Variants in ZFHX3 observed in about 807,000 individuals in gnomAD.
ZFHX3 encodes zinc finger homeobox 3, also known as zinc finger homeobox protein 3.
A neutral mutation model predicts 279.1 loss-of-function variants in ZFHX3; 42 were observed. The observed-to-expected ratio is 0.15, with a 90% confidence interval of 0.12 to 0.19. The LOEUF is 0.19. Among genes scored for constraint, ZFHX3 ranks in the 10% least tolerant of loss-of-function variants. The probability of loss-of-function intolerance (pLI) is 1.00; values close to 1 mark genes in which losing one functional copy is unlikely to be tolerated. For synonymous variants in ZFHX3, 2,293 were observed against 1,957.8 expected (o/e 1.17, Z -4.52); for missense variants, 4,981 against 4,754.0 (o/e 1.05, Z -1.40).
intron 1 of ZFHX3, among the ~76,000 whole-genome samples, chr16:73,843,679 A>C (rs9938184): frequency 0.061 from 9,337 of 152,298 alleles, 959 homozygotes; most frequent in African/African-American, 0.21. Flanking sequence ...TCACAGCAAG[A>C]TACCCTGTAT....
chr16:73,113,221 G>A (rs1966398218), intron 7 of ZFHX3, among the ~76,000 whole-genome samples: 1 of 152,066 alleles, frequency 6.6e-6, no homozygotes, highest in Admixed American at 6.6e-5. Flanking sequence ...GGAACCAGGC[G>A]AGGAGGTGGA....
chr16:72,793,562 A>G lies in ZFHX3; in HGVS notation c.9120T>C (p.Arg3040=). 1 of 1,614,242 alleles carries G rather than the reference A, an allele frequency of 6.2e-7. No homozygotes were observed. Among genetic ancestry groups the G allele is most frequent in the Non-Finnish European group, 8.5e-7 (1 of 1,180,048 alleles). Residue 3040 remains arginine, a synonymous_variant, in exon 9 of 10, where the codon CGT becomes CGC. Coordinates refer to ENST00000268489, the MANE Select transcript of ZFHX3 (RefSeq NM_006885.4). The surrounding 1 kb of genome is among the most constrained non-coding windows in gnomAD (Gnocchi z 4.3). ...GIKYSARLSV[R]DHIFSQQHIS... is the part of the protein sequence containing the mutation. ...TATGCTGTTGGGAAAAGATATGGTC[A>G]CGTACAGACAGCCGAGCGCTGTACT...
intron 5 of ZFHX3, among the ~76,000 whole-genome samples, chr16:73,222,204 A>C (rs1249404139): frequency 6.6e-6 from 1 of 152,106 alleles, no homozygotes; most frequent in East Asian, 1.9e-4. Flanking sequence ...TGAGTGTTAT[A>C]CATTAAGATA....
At chr16:73,589,527 C>T (rs1181131514) in intron 2 of ZFHX3, among the ~76,000 whole-genome samples, 2 of 149,856 alleles carry the variant, frequency 1.3e-5, no homozygotes, top group Admixed American at 6.7e-5. Context: ...GTCAGGAGAT[C>T]GAGACCATCC....
chr16:73,179,448 T>C (rs567991263), intron 5 of ZFHX3, among the ~76,000 whole-genome samples: 1 of 152,326 alleles, frequency 6.6e-6, no homozygotes, highest in Admixed American at 6.5e-5. Context: ...AAAGGTTATA[T>C]TGAAATCAAG....
chr16:72,874,449 G>A (rs903349080), intron 4 of ZFHX3, among the ~76,000 whole-genome samples: 8 of 151,892 alleles, frequency 5.3e-5, no homozygotes, highest in South Asian at 4.2e-4. Flanking sequence ...TGATCTGCCC[G>A]CCTCGGCCTC....
At chr16:73,451,222 A>G (rs564980751) in intron 3 of ZFHX3, among the ~76,000 whole-genome samples, 1 of 152,334 alleles carries the variant, frequency 6.6e-6, no homozygotes, top group South Asian at 2.1e-4. Flanking sequence ...ATGTGACCCA[A>G]GCTTTCAGCT....
chr16:73,074,946 A>G (rs527457033), intron 8 of ZFHX3, among the ~76,000 whole-genome samples: 17 of 152,176 alleles, frequency 1.1e-4, no homozygotes, highest in Non-Finnish European at 1.8e-4. Flanking sequence ...AGCTGAGACT[A>G]TAGGTGCATG....
intron 4 of ZFHX3, among the ~76,000 whole-genome samples, chr16:72,839,195 TCCC>T (rs367871394): frequency 6.8e-6 from 1 of 146,722 alleles, no homozygotes; most frequent in African/African-American, 2.5e-5. Flanking sequence ...ATCTCTCCCT[TCCC>T]CCCCCCATTT....
intron 3 of ZFHX3, among the ~76,000 whole-genome samples, chr16:72,923,338 G>C (rs1019900009): frequency 6.6e-6 from 1 of 151,872 alleles, no homozygotes; most frequent in African/African-American, 2.4e-5. Context: ...CCAGCTACTC[G>C]GGAGGCAGAG....
chr16:73,012,804 TA>T (rs1963961610), intron 1 of ZFHX3, among the ~76,000 whole-genome samples: 2 of 152,192 alleles, frequency 1.3e-5, no homozygotes, highest in African/African-American at 4.8e-5. Flanking sequence ...GCCCAGAACC[TA>T]ACACGTTCTT....
intron 4 of ZFHX3, among the ~76,000 whole-genome samples, chr16:73,282,988 C>T (rs549345850): frequency 6.2e-4 from 95 of 152,294 alleles, no homozygotes; most frequent in South Asian, 3.7e-3. Context: ...CATTCCTGCC[C>T]TCATGGATAT....
Position 73,568,273 on chromosome 16 carries a change from T to C in ZFHX3, c.-1547+111907A>G, listed in dbSNP as rs74030114. On this transcript the variant is annotated intron_variant, in intron 2 of 17. Transcript: ENST00000641206. ...CAAAGCGTGGGTCTTTTTCCTCTGA[T>C]ATTCTTTTCCCTGGTTTTCAGAAAA... 4.8e-3 allele frequency among the ~76,000 whole-genome samples: 704 copies of C among 147,608 alleles called. 5 individuals are homozygous for C. The highest frequency in any genetic ancestry group is 0.018 in the African/African-American group (683 of 37,186).
In ZFHX3 at chr16:73,764,235, C is replaced by A. The variant is rs138241128; in HGVS notation, c.-1607-83995G>T. Among the ~76,000 whole-genome samples the A allele has an allele frequency of 2.6e-5, 4 of 152,316 alleles. No homozygotes were observed. The East Asian group carries it at 7.7e-4, about 29-fold the overall frequency. On this transcript the variant is annotated intron_variant, in intron 1 of 17. Coordinates refer to the ZFHX3 transcript ENST00000641206. Reference sequence around the variant, plus strand: ...ATTTCCAATCCCTGCTCACTTCTTGCCCCCAACGCTTTTGCTCTTTGACAT... The same window carrying A: ...ATTTCCAATCCCTGCTCACTTCTTGACCCCAACGCTTTTGCTCTTTGACAT...
intron 5 of ZFHX3, among the ~76,000 whole-genome samples, chr16:73,216,096 A>G (rs1355930913): frequency 6.6e-6 from 1 of 152,206 alleles, no homozygotes; most frequent in Non-Finnish European, 1.5e-5. Context: ...AGCACAGAAG[A>G]ACCAAAGCAG....
chr16:73,026,410 G>A (rs1385647366), intron 1 of ZFHX3, among the ~76,000 whole-genome samples: 2 of 151,792 alleles, frequency 1.3e-5, no homozygotes, highest in East Asian at 1.9e-4. Context: ...AGTGGCTCAC[G>A]CCTGTAATCC....
intron 1 of ZFHX3, among the ~76,000 whole-genome samples, chr16:73,685,989 G>T (rs1442530122): frequency 6.6e-6 from 1 of 152,192 alleles, no homozygotes; most frequent in East Asian, 1.9e-4. Flanking sequence ...GTAGGAAAAG[G>T]CTTAAGCAAA....
chr16:73,083,438 A>G (rs932714998), intron 8 of ZFHX3: 2 of 152,230 alleles, frequency 1.3e-5, no homozygotes, highest in African/African-American at 2.4e-5. Flanking sequence ...TCTGATATAT[A>G]AAACACAAAG....
chr16:73,463,006 G>A (rs1244708693), intron 2 of ZFHX3, among the ~76,000 whole-genome samples: 1 of 152,098 alleles, frequency 6.6e-6, no homozygotes, highest in Non-Finnish European at 1.5e-5. Flanking sequence ...TTATATGTTT[G>A]TCAGAATTCT....
Sources: gnomAD v4.1 joint callset for allele counts (sites outside exome capture counted in the v4.1 genomes callset) on GRCh38, gnomAD v4.1.1 for gene constraint, Gnocchi (gnomAD v3.1) non-coding constraint, MANE v1.5 for transcripts, NCBI Gene and HGNC (gene_info 2026-07-23, HGNC 2026-07-21) for gene names.